VTI1A: variants seen among roughly 807,000 people sequenced by gnomAD.
The protein encoded by VTI1A is vesicle transport through interaction with t-SNAREs homolog 1A.
Under a neutral mutation model 34.9 loss-of-function variants are expected in VTI1A, and 22 were observed. The observed-to-expected ratio is 0.63, with a 90% CI of 0.45 to 0.90. The LOEUF (loss-of-function observed/expected upper bound fraction) is 0.90, where lower values mean the gene tolerates loss of function less well. Among genes scored for constraint, VTI1A ranks in the 40% least tolerant of loss-of-function variants. The pLI is 0.00. For synonymous variants in VTI1A, 87 were observed against 97.3 expected (o/e 0.89, Z 0.62); for missense variants, 268 against 275.6 (o/e 0.97, Z 0.20).
chr10:112,736,851 C>G (rs533443578), intron 7 of VTI1A: 310 of 954,134 alleles, frequency 3.2e-4, no homozygotes, highest in Non-Finnish European at 4.8e-4. Context: ...AAAGAGCTGC[C>G]CTGGACGGAA....
At chr10:112,447,101 C>T (rs1245889186), upstream of VTI1A, 26 of 471,288 alleles carry the variant, frequency 5.5e-5, no homozygotes, top group Admixed American at 8.3e-4. Flanking sequence ...ATACGCTTTT[C>T]TGGGGGGAGG....
At chr10:112,688,888 T>A (rs1194346574) in intron 7 of VTI1A, among the ~76,000 whole-genome samples, 1 of 152,100 alleles carries the variant, frequency 6.6e-6, no homozygotes, top group African/African-American at 2.4e-5. Context: ...AGTAGTGGGT[T>A]TTTTAAAAAT....
At chr10:112,642,644 G>A (rs1337867774) in intron 5 of VTI1A, among the ~76,000 whole-genome samples, 1 of 151,926 alleles carries the variant, frequency 6.6e-6, no homozygotes, top group Non-Finnish European at 1.5e-5. Context: ...CATGCTAAAT[G>A]ATTACCATTT....
intron 1 of VTI1A, among the ~76,000 whole-genome samples, chr10:112,457,545 ATTTCTGAAGAGAGT>A (rs1195707920): frequency 6.6e-6 from 1 of 152,192 alleles, no homozygotes; most frequent in African/African-American, 2.4e-5. Context: ...AGAAGTGATG[ATTTCTGAAGAGAGT>A]TTTGAATAGA....
chr10:112,751,856 A>G (rs1236073687), intron 7 of VTI1A, among the ~76,000 whole-genome samples: 1 of 152,204 alleles, frequency 6.6e-6, no homozygotes, highest in Non-Finnish European at 1.5e-5. Context: ...ACATTGAGGT[A>G]TTTAAATCCT....
chr10:112,547,787 T>C (rs74236144), intron 5 of VTI1A, among the ~76,000 whole-genome samples: 10,450 of 152,232 alleles, frequency 0.069, 616 homozygotes, highest in East Asian at 0.27. Flanking sequence ...AAATTATTTT[T>C]AGATTATAGC....
intron 7 of VTI1A, among the ~76,000 whole-genome samples, chr10:112,789,084 A>G (rs1205754571): frequency 6.6e-6 from 1 of 152,198 alleles, no homozygotes; most frequent in Non-Finnish European, 1.5e-5. Flanking sequence ...AGAAAAATAT[A>G]TATATTTATA....
chr10:112,811,875 G>T (rs1266888393), intron 7 of VTI1A, among the ~76,000 whole-genome samples: 2 of 152,080 alleles, frequency 1.3e-5, no homozygotes, highest in Non-Finnish European at 2.9e-5. Context: ...CTGTGATTCC[G>T]GCTGCCACAC....
At chr10:112,447,180 A>C (rs866583798), upstream of VTI1A, 3 of 565,174 alleles carry the variant, frequency 5.3e-6, no homozygotes, top group South Asian at 4.9e-5. Context: ...TAAAGCACGC[A>C]CGCAACCCAA....
chr10:112,594,440 A>G (rs1844537967), intron 5 of VTI1A, among the ~76,000 whole-genome samples: 1 of 152,108 alleles, frequency 6.6e-6, no homozygotes, highest in African/African-American at 2.4e-5. Context: ...AATCTCCTTA[A>G]GCTGATAAGC....
chr10:112,791,219 C>G (rs1273619718), intron 7 of VTI1A, among the ~76,000 whole-genome samples: 1 of 152,190 alleles, frequency 6.6e-6, no homozygotes, highest in Non-Finnish European at 1.5e-5. Context: ...TCATTTATCT[C>G]TGTCATCTGG....
intron 5 of VTI1A, among the ~76,000 whole-genome samples, chr10:112,546,188 C>A (rs1388523785): frequency 1.3e-5 from 2 of 149,172 alleles, no homozygotes; most frequent in Non-Finnish European, 3.0e-5. Context: ...CACATACGCA[C>A]ACACATATAT....
Position 112,584,441 on chromosome 10 carries a change from A to T in VTI1A, c.427+46111A>T, listed in dbSNP as rs146947372. Among the ~76,000 whole-genome samples the T allele has an allele frequency of 1.9e-3, 292 of 152,328 alleles. 2 individuals carry two copies. The highest frequency in any genetic ancestry group is 6.8e-3 in the African/African-American group (282 of 41,578). ...AACGAAAAGGATCAAGCATGCCAAG[A>T]TGACTTTTGTATCACAAAGTAATAT... On this transcript the variant is annotated intron_variant, in intron 5 of 7. Transcript: ENST00000393077.
chr10:112,684,214 A>C (rs552832574), intron 7 of VTI1A, among the ~76,000 whole-genome samples: 1 of 152,206 alleles, frequency 6.6e-6, no homozygotes, highest in Admixed American at 6.5e-5. Context: ...ATATCCTATT[A>C]TTTGCATTAA....
At chr10:112,785,592 G>A (rs920624493) in intron 7 of VTI1A, among the ~76,000 whole-genome samples, 4 of 152,116 alleles carry the variant, frequency 2.6e-5, no homozygotes, top group Non-Finnish European at 4.4e-5. Flanking sequence ...CCCAAGGTTA[G>A]AAAATTTTAC....
At chr10:112,487,120 C>T (rs1848665470) in intron 3 of VTI1A, among the ~76,000 whole-genome samples, 1 of 151,926 alleles carries the variant, frequency 6.6e-6, no homozygotes, top group Admixed American at 6.6e-5. Flanking sequence ...TAAAACTGAA[C>T]AAACTTAAAT....
At chr10:112,463,052 G>A (rs1487461763) in intron 2 of VTI1A, among the ~76,000 whole-genome samples, 1 of 152,078 alleles carries the variant, frequency 6.6e-6, no homozygotes, top group East Asian at 1.9e-4. Flanking sequence ...AGCCTCCCGA[G>A]TAGCTGGGAC....
intron 4 of VTI1A, among the ~76,000 whole-genome samples, chr10:112,537,311 G>GTGTATATATATATATATATATA (rs1419438697): frequency 7.7e-5 from 5 of 65,276 alleles, no homozygotes; most frequent in South Asian, 4.8e-4. Context: ...AAGTATCTAG[G>GTGTATATATATATATATATATA]TATATATATA....
At chr10:112,546,276 A>G (rs1334556929) in intron 5 of VTI1A, among the ~76,000 whole-genome samples, 3 of 151,992 alleles carry the variant, frequency 2.0e-5, no homozygotes, top group Non-Finnish European at 4.4e-5. Context: ...GTTAATATGT[A>G]TACTCCTGGC....
Sources: allele counts gnomAD v4.1 joint callset (sites outside exome capture counted in the v4.1 genomes callset), GRCh38; gene constraint gnomAD v4.1.1; transcripts MANE v1.5; gene names NCBI Gene and HGNC (gene_info 2026-07-23, HGNC 2026-07-21).